DYNC2H1: variants seen among roughly 807,000 people sequenced by gnomAD.
DYNC2H1 encodes cytoplasmic dynein 2 heavy chain 1.
A neutral mutation model predicts 570.0 loss-of-function variants in DYNC2H1; 410 were observed. The ratio of observed to expected loss-of-function variants is 0.72; its 90% confidence interval spans 0.66 to 0.78. The LOEUF (loss-of-function observed/expected upper bound fraction) is 0.78, where lower values mean the gene tolerates loss of function less well. DYNC2H1 is among the 30% of genes least tolerant of loss of function. DYNC2H1 has a pLI of 0.00. For missense variants in DYNC2H1, 4,865 were observed against 5,046.4 expected (o/e 0.96, Z 1.09); for synonymous variants, 1,688 against 1,677.6 (o/e 1.01, Z -0.15).
intron 84 of DYNC2H1, among the ~76,000 whole-genome samples, chr11:103,408,535 T>C (rs1942959174): frequency 6.6e-6 from 1 of 152,034 alleles, no homozygotes; most frequent in African/African-American, 2.4e-5. Flanking sequence ...GTAGGCCCTA[T>C]TTCTCTTGTC....
chr11:103,445,393 ATT>A (rs1944389479), intron 85 of DYNC2H1, among the ~76,000 whole-genome samples: 2 of 152,152 alleles, frequency 1.3e-5, no homozygotes, highest in South Asian at 4.1e-4. Context: ...ATCTTTATAT[ATT>A]CTTTTTAATC....
rs144112158 is a variant in DYNC2H1 at position 103,353,306 on chromosome 11, A to G, written c.12040-4937A>G. 3.8e-3 allele frequency among the ~76,000 whole-genome samples: 583 copies of G among 152,284 alleles called. 5 individuals are homozygous for G. The highest frequency in any genetic ancestry group is 0.013 in the African/African-American group (560 of 41,570). ...GTATCCCGAAACTTAAATTTTTTTT[A>G]CAAAAAATGATTGTCTGTTCTCCAG... is the stretch of plus-strand genomic sequence containing the variant. On this transcript the variant is annotated intron_variant, in intron 82 of 88. Coordinates refer to ENST00000375735, the MANE Select transcript of DYNC2H1 (RefSeq NM_001377.3).
rs578151832 is a variant in DYNC2H1, at chr11:103,321,684, T to C, written c.11934+447T>C. On this transcript the variant is annotated intron_variant, in intron 81 of 88. Transcript: ENST00000375735. ...CTAAATATGTAAAATGAATTTACTT[T>C]GTTTTTCACAGCAACATTTTGTGTA... 3.3e-5 allele frequency among the ~76,000 whole-genome samples: 5 copies of C among 152,284 alleles called. No homozygotes were observed. In the East Asian group the frequency reaches 9.6e-4, roughly 29 times the overall value.
chr11:103,456,406 TATAAG>T, intron 87 of DYNC2H1, 50 bp downstream of exon 87: 1 of 1,442,964 alleles, frequency 6.9e-7, no homozygotes, highest in Admixed American at 2.0e-5. Flanking sequence ...CACCAACTGA[TATAAG>T]AGATTCTGAA....
intron 82 of DYNC2H1, among the ~76,000 whole-genome samples, chr11:103,343,092 A>T (rs2135490195): frequency 6.6e-6 from 1 of 152,220 alleles, no homozygotes; most frequent in Non-Finnish European, 1.5e-5. Context: ...GACTCTTTGG[A>T]GTTGGGAGCA....
chr11:103,293,252 A>C (rs6591008), intron 75 of DYNC2H1, among the ~76,000 whole-genome samples: 25,129 of 151,968 alleles, frequency 0.17, 2,263 homozygotes, highest in Admixed American at 0.25. Flanking sequence ...CCCCTCCCTC[A>C]TGGCATGTGA....
intron 84 of DYNC2H1, among the ~76,000 whole-genome samples, chr11:103,423,643 A>G (rs1943568192): frequency 6.6e-6 from 1 of 151,916 alleles, no homozygotes; most frequent in East Asian, 1.9e-4. Context: ...CACTTATAAA[A>G]ATGAAAAGCA....
Position 103,204,709 on chromosome 11 carries a change from G to T in DYNC2H1, c.8312-113G>T. On this transcript the variant is annotated intron_variant, in intron 51 of 88. Transcript: ENST00000375735. This position sits in a 1 kb window ranked among gnomAD's most constrained non-coding sequence, Gnocchi z 4.1. ...TCATAACATAATATTGTTTTATATT[G>T]TGCTCGTTTTAAGAAACAACTCCTA... The T allele has an allele frequency of 1.4e-6, 1 of 696,992 alleles. No homozygotes were observed. Among genetic ancestry groups the T allele is most frequent in the South Asian group, 2.4e-5 (1 of 42,436 alleles). 43.2% of individuals were successfully genotyped at this position (696,992 alleles called of 1,614,324 possible). A position where few individuals can be genotyped will look rare whatever the true frequency, so the allele number is the denominator to read the frequency against.
chr11:103,162,387 TAAG>T (rs1008412461), intron 29 of DYNC2H1, among the ~76,000 whole-genome samples: 3 of 152,208 alleles, frequency 2.0e-5, no homozygotes, highest in African/African-American at 7.2e-5. Flanking sequence ...TTTTTAAGGT[TAAG>T]AAGTGATTCA....
At position 103,328,134 on chromosome 11, in the gene DYNC2H1, T is replaced by C. The variant is rs187461702; in HGVS notation, c.12039+4144T>C. Among the ~76,000 whole-genome samples the C allele has an allele frequency of 3.3e-5, 5 of 152,348 alleles. No individual in the cohort carries two copies. The East Asian group carries it at 9.6e-4, about 29-fold the overall frequency. ...TAATTTCTACTAGTTTGTCTTGCCT[T>C]AGTATTCCAATTTTTATGAATACTT... On this transcript the variant is annotated intron_variant, in intron 82 of 88. Coordinates refer to ENST00000375735, the MANE Select transcript of DYNC2H1 (RefSeq NM_001377.3).
rs1333178527 is a variant in DYNC2H1, at chr11:103,195,744, T to C, written c.7709-2189T>C. Among the ~76,000 whole-genome samples the C allele has an allele frequency of 2.0e-5, 3 of 152,238 alleles. No homozygotes were observed. In the East Asian group the frequency reaches 5.8e-4, roughly 29 times the overall value. The stretch of plus-strand genomic sequence containing the variant: ...TGATTTGGGGAGAATTGACATCTTT[T>C]CTCTGTTGAGTCTTCCCATTTTCTC... On this transcript the variant is annotated intron_variant, in intron 47 of 88. Transcript: ENST00000375735.
chr11:103,464,125 T>TGTC (rs1945112514), intron 87 of DYNC2H1, among the ~76,000 whole-genome samples: 5 of 152,212 alleles, frequency 3.3e-5, no homozygotes, highest in Non-Finnish European at 5.9e-5. Context: ...GTTAATTTTA[T>TGTC]AGAAAAATCT....
chr11:103,209,768 AT>A lies in DYNC2H1; in HGVS notation c.8455-107del. On this transcript the variant is annotated intron_variant, in intron 52 of 88. Transcript: ENST00000375735. The surrounding 1 kb of genome is among the most constrained non-coding windows in gnomAD (Gnocchi z 4.2). The stretch of plus-strand genomic sequence containing the variant: ...ATTTTTGTCTCTTAGTCTGGAATGA[AT>A]CCTAGAAGAAAAGTACAATCAATAC... The A allele has an allele frequency of 1.2e-6, 1 of 817,062 alleles. No individual in the cohort carries two copies. Among genetic ancestry groups the A allele is most frequent in the Non-Finnish European group, 1.7e-6 (1 of 594,992 alleles). 50.6% of individuals were successfully genotyped at this position (817,062 alleles called of 1,614,324 possible).
intron 83 of DYNC2H1, among the ~76,000 whole-genome samples, chr11:103,376,793 GT>G (rs1238933770): frequency 6.6e-6 from 1 of 152,138 alleles, no homozygotes; most frequent in African/African-American, 2.4e-5. Flanking sequence ...ATACTTTCAT[GT>G]GCTTTTATCA....
chr11:103,176,147 T>C, intron 36 of DYNC2H1, 88 bp from the exon 37 acceptor site: 1 of 938,816 alleles, frequency 1.1e-6, no homozygotes, highest in Non-Finnish European at 1.5e-6. Context: ...TAATGATTAA[T>C]AATGCATATC....
At chr11:103,420,402 G>A (rs1405184025) in intron 84 of DYNC2H1, among the ~76,000 whole-genome samples, 1 of 152,046 alleles carries the variant, frequency 6.6e-6, no homozygotes, top group Non-Finnish European at 1.5e-5. Context: ...TCTACAAGAA[G>A]ATCAACCCTG....
At chr11:103,422,039 A>T (rs1370138313) in intron 84 of DYNC2H1, among the ~76,000 whole-genome samples, 1 of 152,110 alleles carries the variant, frequency 6.6e-6, no homozygotes, top group African/African-American at 2.4e-5. Flanking sequence ...AAACACAAAC[A>T]ACTATCACAG....
rs1488767566 is a variant in DYNC2H1 at position 103,151,764 on chromosome 11, A to G, written c.2947-372A>G. 6.6e-6 allele frequency among the ~76,000 whole-genome samples: 1 copy of G among 152,144 alleles called. No homozygotes were observed. The highest frequency in any genetic ancestry group is 2.4e-5 in the African/African-American group (1 of 41,450). On this transcript the variant is annotated intron_variant, in intron 20 of 88. Transcript: ENST00000375735. This position sits in a 1 kb window ranked among gnomAD's most constrained non-coding sequence, Gnocchi z 4.6. ...ATGCTCTTAGATAATCACTAATTTT[A>G]GCTCCTTTAGAAACCTCTTTAGCAT... is the stretch of plus-strand genomic sequence containing the variant.
Position 103,446,106 on chromosome 11 carries a change from C to T in DYNC2H1, c.12457-9080C>T, listed in dbSNP as rs11225803. On this transcript the variant is annotated intron_variant, in intron 85 of 88. Transcript: ENST00000375735. The surrounding 1 kb of genome is among the most constrained non-coding windows in gnomAD (Gnocchi z 4.5). ...GGAGTGGTCTTGCAAATTAAAAGTT[C>T]TAATTTGAACATGATAAGTTTAGAT... Among the ~76,000 whole-genome samples, 51 of 151,606 alleles carry T rather than the reference C, an allele frequency of 3.4e-4. No homozygotes were observed. Among genetic ancestry groups the T allele is most frequent in the Admixed American group, 5.9e-4 (9 of 15,212 alleles).
Sources: allele counts gnomAD v4.1 joint callset (sites outside exome capture counted in the v4.1 genomes callset), GRCh38; gene constraint gnomAD v4.1.1; non-coding constraint Gnocchi (gnomAD v3.1); transcripts MANE v1.5; gene names NCBI Gene and HGNC (gene_info 2026-07-23, HGNC 2026-07-21).